Variants in SGO1 observed in about 807,000 individuals in gnomAD.
SGO1 encodes shugoshin 1, also known as serologically defined breast cancer antigen NY-BR-85.
SGO1 carries 39 observed loss-of-function variants against 50.5 expected under a neutral mutation model. The ratio of observed to expected loss-of-function variants is 0.77; its 90% CI spans 0.60 to 1.01. The LOEUF (loss-of-function observed/expected upper bound fraction) is 1.01, where lower values mean the gene tolerates loss of function less well. Ranked by LOEUF, SGO1 falls within the 50% of genes least tolerant of loss-of-function variation. The pLI, the probability that SGO1 is intolerant of heterozygous loss-of-function variation, is 0.00. For synonymous variants in SGO1, 191 were observed against 205.1 expected (o/e 0.93, Z 0.59); for missense variants, 638 against 606.0 (o/e 1.05, Z -0.55).
upstream of SGO1, chr3:20,186,400 C>G (rs770256395): frequency 6.6e-6 from 1 of 152,344 alleles, no homozygotes; most frequent in Admixed American, 6.5e-5. Flanking sequence ...GGCGACCCGC[C>G]GGGACTTTCT....
chr3:20,170,199 G>C lies in SGO1; in HGVS notation c.*505C>G. 1 of 688,728 alleles carries C rather than the reference G, an allele frequency of 1.5e-6. No individual in the cohort carries two copies. Among genetic ancestry groups the C allele is most frequent in the Non-Finnish European group, 1.8e-6 (1 of 559,070 alleles). The allele number at this position is 688,728 out of a possible 1,614,324, so 42.7% of individuals were successfully genotyped here. ...AGATCACCTGAGGTTGGGAGTTTGAGAGCAACCTGACCAACATGGAGAAAC... is the reference window on the plus strand; with the variant it reads ...AGATCACCTGAGGTTGGGAGTTTGACAGCAACCTGACCAACATGGAGAAAC... On this transcript the variant is annotated 3_prime_UTR_variant, in exon 8 of 8. Transcript: ENST00000412997.
intron 8 of SGO1, among the ~76,000 whole-genome samples, chr3:20,164,085 T>C (rs1700175975): frequency 6.6e-6 from 1 of 152,220 alleles, no homozygotes; most frequent in Non-Finnish European, 1.5e-5. Flanking sequence ...TTTATGAGGC[T>C]GGTATTATTA....
chr3:20,165,211 G>C (rs1474383098), downstream of SGO1, among the ~76,000 whole-genome samples: 1 of 152,222 alleles, frequency 6.6e-6, no homozygotes, highest in Admixed American at 6.5e-5. Flanking sequence ...AAGGAAGCAA[G>C]AGAGAAGTGG....
chr3:20,179,435 A>AT (rs145642996), intron 3 of SGO1, among the ~76,000 whole-genome samples: 1 of 151,974 alleles, frequency 6.6e-6, no homozygotes, highest in African/African-American at 2.4e-5. Context: ...GCATTCATTC[A>AT]TTTTTTTGAA....
chr3:20,181,937 G>C (rs1702058612), intron 3 of SGO1, among the ~76,000 whole-genome samples: 1 of 151,922 alleles, frequency 6.6e-6, no homozygotes, highest in Non-Finnish European at 1.5e-5. Context: ...ATAAAAATTA[G>C]CCAGGTGTGG....
chr3:20,167,992 C>T (rs953239624), downstream of SGO1, among the ~76,000 whole-genome samples: 1 of 152,164 alleles, frequency 6.6e-6, no homozygotes, highest in African/African-American at 2.4e-5. Flanking sequence ...AAATAATCTA[C>T]ATCTGCCAAC....
chr3:20,180,691 T>G (rs372504551), intron 3 of SGO1, among the ~76,000 whole-genome samples: 2 of 152,238 alleles, frequency 1.3e-5, no homozygotes, highest in Non-Finnish European at 2.9e-5. Context: ...ATCTCTGTTA[T>G]GAAGATGACA....
chr3:20,174,806 T>C lies in SGO1; in HGVS notation c.725A>G (p.Gln242Arg), dbSNP rs761469993. 5.0e-6 allele frequency: 8 copies of C among 1,614,034 alleles called. No homozygotes were observed. The highest frequency in any genetic ancestry group is 1.7e-5 in the Admixed American group (1 of 60,004). Reference sequence around the variant, plus strand: ...CTTGCTCCATTGACAAGCATTGTGTTGTACATTTTCAGGTATGTGCATGTT... The same window carrying C: ...CTTGCTCCATTGACAAGCATTGTGTCGTACATTTTCAGGTATGTGCATGTT... ...LVNMHIPENV[Q>R]HNACQWSKDQ... Residue 242 changes from glutamine (Q) to arginine (R), a missense_variant, in exon 6 of 8, where the codon CAA becomes CGA. Physicochemically the swap from Gln to Arg is conservative, Grantham distance 43. Coordinates refer to ENST00000412997, the MANE Select transcript of SGO1 (RefSeq NM_001199251.3).
chr3:20,174,737 A>C lies in SGO1; in HGVS notation c.794T>G (p.Phe265Cys), dbSNP rs1421598577. The change falls in exon 6 of 8, where the codon TTT (phenylalanine) becomes TGT (cysteine). Residue 265 changes from phenylalanine (F) to cysteine (C), a missense_variant. By Grantham distance (205) the Phe-to-Cys change is radical. Coordinates refer to ENST00000412997, the MANE Select transcript of SGO1 (RefSeq NM_001199251.3). ...LSPKLIQPGT[F>C]TKTKEDILES... ...TAAAATGTCTTCTTTTGTTTTAGTA[A>C]ACGTTCCTGGCTGAATCAGCTTTGG... The C allele has an allele frequency of 1.9e-6, 3 of 1,613,698 alleles. No homozygotes were observed. The highest frequency in any genetic ancestry group is 2.5e-6 in the Non-Finnish European group (3 of 1,179,996).
At chr3:20,183,409 C>T (rs1575256925) in intron 3 of SGO1, among the ~76,000 whole-genome samples, 199 bp downstream of exon 3, 1 of 152,218 alleles carries the variant, frequency 6.6e-6, no homozygotes, top group Admixed American at 6.5e-5. Context: ...CAGGCAGGAA[C>T]AGGCCTCAAT....
intron 3 of SGO1, among the ~76,000 whole-genome samples, chr3:20,183,234 T>C (rs1237400641): frequency 1.3e-5 from 2 of 152,236 alleles, no homozygotes; most frequent in African/African-American, 4.8e-5. Context: ...TAAGATAGCA[T>C]TGATTAAAAC....
Position 20,183,875 on chromosome 3 carries a change from A to G in SGO1, c.142+11T>C. ...AAAGTGATATAAAAGGACAACATAA[A>G]AATCTCTTACTGATTATTTGGCATG... On this transcript the variant is annotated intron_variant, in intron 2 of 7. Coordinates refer to ENST00000412997, the MANE Select transcript of SGO1 (RefSeq NM_001199251.3). 2 of 1,604,452 alleles carry G rather than the reference A, an allele frequency of 1.2e-6. No individual in the cohort carries two copies. The highest frequency in any genetic ancestry group is 1.7e-6 in the Non-Finnish European group (2 of 1,177,854).
downstream of SGO1, among the ~76,000 whole-genome samples, chr3:20,167,653 C>G (rs1427989454): frequency 6.6e-6 from 1 of 152,082 alleles, no homozygotes; most frequent in African/African-American, 2.4e-5. Context: ...ATTTTAATGT[C>G]TAATAAAACT....
chr3:20,181,444 C>T (rs1002808300), intron 3 of SGO1, among the ~76,000 whole-genome samples: 4 of 152,142 alleles, frequency 2.6e-5, no homozygotes, highest in South Asian at 2.1e-4. Context: ...CACTGAAGCA[C>T]GGGTGTACAA....
chr3:20,171,649 C>T (rs544133562), intron 6 of SGO1, among the ~76,000 whole-genome samples: 1 of 152,200 alleles, frequency 6.6e-6, no homozygotes, highest in South Asian at 2.1e-4. Flanking sequence ...TTTGTTTAAC[C>T]ATGGAATTTC....
chr3:20,183,746 A>T lies in SGO1; in HGVS notation c.201T>A (p.Ala67=). The T allele has an allele frequency of 6.2e-7, 1 of 1,613,390 alleles. No individual in the cohort carries two copies. The highest frequency in any genetic ancestry group is 1.3e-5 in the African/African-American group (1 of 75,002). The change falls in exon 3 of 8, where the codon GCT becomes GCA. Residue 67 remains alanine (A), a synonymous_variant. Transcript: ENST00000412997. ...TCACTTTGGATTTTTCATTTTCCAA[A>T]GCTAAAACTAACATTTTGTTGTTGT... ...YQDNNKMLVL[A]LENEKSKVKE...
intron 4 of SGO1, 50 bp from the exon 5 acceptor site, chr3:20,176,709 A>C: frequency 8.2e-7 from 1 of 1,216,900 alleles, no homozygotes; most frequent in Non-Finnish European, 1.2e-6. Context: ...TGTAATAAAA[A>C]CAAATTCAGT....
chr3:20,162,957 A>T (rs896268718), intron 8 of SGO1, among the ~76,000 whole-genome samples: 2 of 152,100 alleles, frequency 1.3e-5, no homozygotes, highest in African/African-American at 4.8e-5. Flanking sequence ...CTAAATGACA[A>T]CATATAAAAA....
chr3:20,162,084 G>A (rs765144235), intron 8 of SGO1, among the ~76,000 whole-genome samples: 17 of 152,128 alleles, frequency 1.1e-4, no homozygotes, highest in South Asian at 2.1e-4. Flanking sequence ...TGGAGAGGCC[G>A]CAGATGTAGA....
Sources: gnomAD v4.1 joint callset for allele counts (sites outside exome capture counted in the v4.1 genomes callset) on GRCh38, gnomAD v4.1.1 for gene constraint, MANE v1.5 for transcripts, NCBI Gene and HGNC (gene_info 2026-07-23, HGNC 2026-07-21) for gene names.